Variants in ZBTB4 observed in about 807,000 individuals in gnomAD.
ZBTB4 encodes the protein zinc finger and BTB domain-containing protein 4.
In ZBTB4, 14 loss-of-function variants were observed where a neutral mutation model predicts 59.8. The ratio of observed to expected loss-of-function variants is 0.23; its 90% CI spans 0.15 to 0.37. The LOEUF (loss-of-function observed/expected upper bound fraction) is 0.37, where lower values mean the gene tolerates loss of function less well. Ranked by LOEUF, ZBTB4 falls within the 10% of genes least tolerant of loss-of-function variation. The pLI is 1.00. For synonymous variants in ZBTB4, 587 were observed against 575.2 expected (o/e 1.02, Z -0.29); for missense variants, 1,198 against 1,380.8 (o/e 0.87, Z 2.10).
At chr17:7,476,894 C>T (rs1328540961) in intron 1 of ZBTB4, among the ~76,000 whole-genome samples, 2 of 152,174 alleles carry the variant, frequency 1.3e-5, no homozygotes. Flanking sequence ...ACTGAATGTT[C>T]CAGAAGGCAG....
At chr17:7,483,009 C>A (rs371791308), upstream of ZBTB4, 1 of 1,611,940 alleles carries the variant, frequency 6.2e-7, no homozygotes, top group Non-Finnish European at 8.5e-7. Context: ...TGAGATAGAA[C>A]TTGGGAGCCC....
At chr17:7,464,949 A>G (rs545413259) in intron 3 of ZBTB4, among the ~76,000 whole-genome samples, 245 of 145,958 alleles carry the variant, frequency 1.7e-3, no homozygotes, top group Middle Eastern at 0.012. Context: ...AAGGTCAGGA[A>G]ATCGAGACCA....
At chr17:7,464,816 G>A (rs558538881) in intron 3 of ZBTB4, among the ~76,000 whole-genome samples, 27 of 140,832 alleles carry the variant, frequency 1.9e-4, no homozygotes, top group African/African-American at 7.1e-4. Flanking sequence ...CCAGCCTGGG[G>A]GACAGAGCGA....
intron 1 of ZBTB4, among the ~76,000 whole-genome samples, chr17:7,474,051 G>C (rs1038318689): frequency 1.3e-5 from 2 of 151,996 alleles, no homozygotes; most frequent in African/African-American, 4.8e-5. Flanking sequence ...CAAAAACCTG[G>C]AACTACAGGC....
chr17:7,481,139 G>T (rs560857803), upstream of ZBTB4, among the ~76,000 whole-genome samples: 4 of 148,496 alleles, frequency 2.7e-5, no homozygotes, highest in Non-Finnish European at 5.9e-5. Context: ...CTCCAGCCTG[G>T]GCAAGAAGAG....
chr17:7,464,413 G>C (rs2070081539), intron 3 of ZBTB4, among the ~76,000 whole-genome samples: 1 of 134,164 alleles, frequency 7.5e-6, no homozygotes, highest in African/African-American at 2.8e-5. Context: ...GCGACAGAGT[G>C]AGACTCTGTC....
At position 7,466,844 on chromosome 17, in the gene ZBTB4, CAG is replaced by C. The variant is rs1014245335; in HGVS notation, c.-9-36_-9-35del. ...TGGGAGAAGAGGCCGGGTAGAGTCT[CAG>C]AGGCTGGGCAGAGGGCAGGGGCTTC... On this transcript the variant is annotated intron_variant, in intron 2 of 3. Coordinates refer to ENST00000380599, the MANE Select transcript of ZBTB4 (RefSeq NM_001128833.2). The surrounding 1 kb of genome is among the most constrained non-coding windows in gnomAD (Gnocchi z 9.1). 5 of 1,487,824 alleles carry C rather than the reference CAG, an allele frequency of 3.4e-6. No homozygotes were observed. In the African/African-American group the frequency reaches 5.6e-5, roughly 17 times the overall value. 92.2% of individuals were successfully genotyped at this position (1,487,824 alleles called of 1,614,324 possible).
intron 1 of ZBTB4, among the ~76,000 whole-genome samples, chr17:7,472,977 CAG>C (rs1372277348): frequency 6.7e-6 from 1 of 148,472 alleles, no homozygotes; most frequent in Non-Finnish European, 1.5e-5. Flanking sequence ...CGGCGGGGGA[CAG>C]AGTCTAGCTC....
chr17:7,478,207 G>A (rs754132149), intron 1 of ZBTB4, among the ~76,000 whole-genome samples: 3 of 152,000 alleles, frequency 2.0e-5, no homozygotes, highest in Non-Finnish European at 4.4e-5. Context: ...TACAAACAAC[G>A]TCACAAAAGA....
chr17:7,480,816 A>G (rs2150869235), upstream of ZBTB4, among the ~76,000 whole-genome samples: 1 of 152,198 alleles, frequency 6.6e-6, no homozygotes, highest in South Asian at 2.1e-4. Context: ...AAAAAGAATA[A>G]AAGAATCAGA....
chr17:7,467,730 G>A (rs576671804), intron 1 of ZBTB4, among the ~76,000 whole-genome samples: 16 of 152,228 alleles, frequency 1.1e-4, no homozygotes, highest in Non-Finnish European at 2.1e-4. Context: ...TTTGCATGTT[G>A]TCATTTATCA....
Position 7,462,353 on chromosome 17 carries a change from G to A in ZBTB4, c.2629C>T (p.Leu877=). Residue 877 remains leucine (L), a synonymous_variant, in exon 4 of 4, where the codon CTG becomes TTG. Transcript: ENST00000380599. This position sits in a 1 kb window ranked among gnomAD's most constrained non-coding sequence, Gnocchi z 7.5. ...YVYPPVQEFP[L]ALIGGGREPG... ...TCCCGGCCGCCCCCAATCAAGGCCA[G>A]TGGAAATTCCTGCACAGGTGGGTAT... 5.0e-6 allele frequency: 8 copies of A among 1,613,942 alleles called. No individual in the cohort carries two copies. Among genetic ancestry groups the A allele is most frequent in the South Asian group, 2.2e-5 (2 of 91,082 alleles).
In ZBTB4 at chr17:7,466,866, G is replaced by A; in HGVS notation, c.-9-56C>T. 6.9e-7 allele frequency: 1 copy of A among 1,449,700 alleles called. No homozygotes were observed. The highest frequency in any genetic ancestry group is 9.1e-7 in the Non-Finnish European group (1 of 1,104,972). 89.8% of individuals were successfully genotyped at this position (1,449,700 alleles called of 1,614,324 possible). Reference sequence around the variant, plus strand: ...TCTCAGAGGCTGGGCAGAGGGCAGGGGCTTCTAAAATCAGGCAGAGAGAGG... The same window carrying A: ...TCTCAGAGGCTGGGCAGAGGGCAGGAGCTTCTAAAATCAGGCAGAGAGAGG... On this transcript the variant is annotated intron_variant, in intron 2 of 3. Coordinates refer to ENST00000380599, the MANE Select transcript of ZBTB4 (RefSeq NM_001128833.2). The surrounding 1 kb of genome is among the most constrained non-coding windows in gnomAD (Gnocchi z 9.1).
rs34055023 is a variant in ZBTB4 at position 7,460,155 on chromosome 17, C to G, written c.*1785G>C. ...TTTCCCCATTTGAAACCTTTCCCCCCCTTAAAAATTGGAACTTGGTACATT... is the reference window on the plus strand; with the variant it reads ...TTTCCCCATTTGAAACCTTTCCCCCGCTTAAAAATTGGAACTTGGTACATT... On this transcript the variant is annotated 3_prime_UTR_variant, in exon 4 of 4. Coordinates refer to ENST00000380599, the MANE Select transcript of ZBTB4 (RefSeq NM_001128833.2). The G allele has an allele frequency of 0.043, 6,585 of 152,580 alleles. 288 individuals carry two copies. The highest frequency in any genetic ancestry group is 0.12 in the Admixed American group (1,862 of 15,282). The allele number at this position is 152,580 out of a possible 1,614,324, so 9.5% of individuals were successfully genotyped here. A position where few individuals can be genotyped will look rare whatever the true frequency, so the allele number is the denominator to read the frequency against.
Position 7,462,373 on chromosome 17 carries a change from G to A in ZBTB4, c.2609C>T (p.Pro870Leu). The change falls in exon 4 of 4, where the codon CCA becomes CTA. Residue 870 changes from proline (P) to leucine (L), a missense_variant. Coordinates refer to ENST00000380599, the MANE Select transcript of ZBTB4 (RefSeq NM_001128833.2). The surrounding 1 kb of genome is among the most constrained non-coding windows in gnomAD (Gnocchi z 7.5). The stretch of plus-strand genomic sequence containing the variant: ...GGCCAGTGGAAATTCCTGCACAGGT[G>A]GGTATACATAGCTGCCCCCGCTTGC... ...VVASGGSYVY[P>L]PVQEFPLALI... The A allele has an allele frequency of 6.2e-7, 1 of 1,613,924 alleles. No homozygotes were observed. Among genetic ancestry groups the A allele is most frequent in the Non-Finnish European group, 8.5e-7 (1 of 1,179,986 alleles).
chr17:7,461,859 G>A lies in ZBTB4; in HGVS notation c.*81C>T. On this transcript the variant is annotated 3_prime_UTR_variant, in exon 4 of 4. Transcript: ENST00000380599. ...CAAGAGTGTGAAGGGGCTCCCAAGG[G>A]GCAGGGAGGCCAGGGAGCTGGTAGT... is the stretch of plus-strand genomic sequence containing the variant. 4 of 1,311,608 alleles carry A rather than the reference G, an allele frequency of 3.0e-6. No homozygotes were observed. Among genetic ancestry groups the A allele is most frequent in the Non-Finnish European group, 4.2e-6 (4 of 954,000 alleles). 81.2% of individuals were successfully genotyped at this position (1,311,608 alleles called of 1,614,324 possible). A position where few individuals can be genotyped will look rare whatever the true frequency, so the allele number is the denominator to read the frequency against.
rs1181619085 is a variant in ZBTB4 at position 7,462,797 on chromosome 17, C to T, written c.2185G>A (p.Gly729Arg). The T allele has an allele frequency of 3.7e-6, 6 of 1,602,512 alleles. No individual in the cohort carries two copies. The highest frequency in any genetic ancestry group is 1.6e-4 in the Middle Eastern group (1 of 6,062). Residue 729 changes from glycine to arginine, a missense_variant, in exon 4 of 4, where the codon GGG (glycine) becomes AGG (arginine). Around this residue, in one of 9 missense-constraint regions of ZBTB4, gnomAD observed 550 missense variants for 541.8 expected, o/e 1.02. Coordinates refer to ENST00000380599, the MANE Select transcript of ZBTB4 (RefSeq NM_001128833.2). The surrounding 1 kb of genome is among the most constrained non-coding windows in gnomAD (Gnocchi z 7.5). ...RARTERRHRC[G>R]DCAQTFTTLR... The stretch of plus-strand genomic sequence containing the variant: ...GTGGTGAAGGTCTGGGCACAGTCCC[C>T]GCATCGGTGCCTCCGCTCTGTGCGG...
chr17:7,463,657 G>A lies in ZBTB4; in HGVS notation c.1325C>T (p.Thr442Ile). ...QGAPEAPLSPTLNTPAPVAMP... is the reference protein window; with the variant it reads ...QGAPEAPLSPILNTPAPVAMP... ...TGCCACAGGGGCCGGTGTGTTGAGG[G>A]TTGGAGAAAGGGGAGCCTCCGGGGC... Residue 442 changes from threonine to isoleucine, a missense_variant, in exon 4 of 4, where the codon ACC (threonine) becomes ATC (isoleucine). Thr to Ile is a moderately conservative substitution (Grantham distance 89). This residue lies in a region of ZBTB4 where 550 missense variants were observed against 541.8 expected (regional missense o/e 1.02). Transcript: ENST00000380599. 1.2e-6 allele frequency: 2 copies of A among 1,613,398 alleles called. No individual in the cohort carries two copies. Among genetic ancestry groups the A allele is most frequent in the Non-Finnish European group, 1.7e-6 (2 of 1,179,754 alleles).
At chr17:7,472,996 C>T (rs2070220045) in intron 1 of ZBTB4, among the ~76,000 whole-genome samples, 1 of 151,604 alleles carries the variant, frequency 6.6e-6, no homozygotes, top group African/African-American at 2.4e-5. Flanking sequence ...GCTCTGTCGC[C>T]CAGGCTGGAG....
Sources: gnomAD v4.1 joint callset for allele counts (sites outside exome capture counted in the v4.1 genomes callset) on GRCh38, gnomAD v4.1.1 for gene constraint, gnomAD v4.1.1 regional missense constraint, Gnocchi (gnomAD v3.1) non-coding constraint, MANE v1.5 for transcripts, NCBI Gene and HGNC (gene_info 2026-07-23, HGNC 2026-07-21) for gene names.